The following POC1B variants were observed in gnomAD, a reference collection of about 807,000 sequenced individuals.
POC1B encodes the protein POC1 centriolar protein homolog B.
In POC1B, 44 loss-of-function variants were observed where a neutral mutation model predicts 60.6. That is an observed-to-expected ratio of 0.73 (90% CI 0.57 to 0.93). POC1B has a LOEUF of 0.93. Ranked by LOEUF, POC1B falls within the 40% of genes least tolerant of loss-of-function variation. POC1B has a pLI of 0.00. For missense variants in POC1B, 555 were observed against 572.3 expected, an observed-to-expected ratio of 0.97 and a Z score of 0.31; for synonymous variants, 180 against 198.9, an observed-to-expected ratio of 0.90 and a Z score of 0.80.
intron 2 of POC1B, chr12:89,524,287 T>A: frequency 6.2e-7 from 1 of 1,614,032 alleles, no homozygotes; most frequent in African/African-American, 1.3e-5. Flanking sequence ...CTTCAGTTCA[T>A]CCTCGTTGAG....
intron 10 of POC1B, among the ~76,000 whole-genome samples, chr12:89,430,402 T>C (rs139481623): frequency 1.7e-3 from 262 of 152,334 alleles, no homozygotes; most frequent in African/African-American, 6.1e-3. Flanking sequence ...ACTGAAAATT[T>C]TCGCATTGCC....
intron 4 of POC1B, among the ~76,000 whole-genome samples, chr12:89,477,223 G>A (rs1323273773): frequency 6.6e-6 from 1 of 152,144 alleles, no homozygotes; most frequent in Non-Finnish European, 1.5e-5. Context: ...AAGTCAATAA[G>A]CAAAACATTT....
At chr12:89,450,348 C>T (rs1881991279) in intron 10 of POC1B, among the ~76,000 whole-genome samples, 1 of 152,036 alleles carries the variant, frequency 6.6e-6, no homozygotes, top group African/African-American at 2.4e-5. Flanking sequence ...GCTGGGATTA[C>T]AGGCAGCCAC....
chr12:89,418,399 G>A (rs1462276416), downstream of POC1B, among the ~76,000 whole-genome samples: 1 of 152,158 alleles, frequency 6.6e-6, no homozygotes, highest in Non-Finnish European at 1.5e-5. Flanking sequence ...GGGAAGCCCT[G>A]AAGTGTTCTG....
chr12:89,446,137 C>G (rs946276074), intron 10 of POC1B, among the ~76,000 whole-genome samples: 1 of 151,726 alleles, frequency 6.6e-6, no homozygotes, highest in African/African-American at 2.4e-5. Flanking sequence ...GAAATAGGAA[C>G]ACTTTTACAC....
At chr12:89,446,615 T>C (rs558091926) in intron 10 of POC1B, among the ~76,000 whole-genome samples, 2 of 151,068 alleles carry the variant, frequency 1.3e-5, no homozygotes, top group Non-Finnish European at 1.5e-5. Context: ...GATGGGGAAG[T>C]GGGGAGGGAT....
intron 10 of POC1B, among the ~76,000 whole-genome samples, chr12:89,447,724 AT>A (rs2120752787): frequency 6.6e-6 from 1 of 152,212 alleles, no homozygotes; most frequent in South Asian, 2.1e-4. Context: ...AAATAAATTT[AT>A]TTTATATATT....
intron 10 of POC1B, among the ~76,000 whole-genome samples, chr12:89,451,746 C>T (rs1217227399): frequency 6.6e-6 from 1 of 152,202 alleles, no homozygotes; most frequent in Non-Finnish European, 1.5e-5. Flanking sequence ...GACTTGCTGA[C>T]TACTTTCACC....
At chr12:89,467,065 T>C in intron 8 of POC1B, 143 bp from the exon 9 acceptor site, 1 of 576,036 alleles carries the variant, frequency 1.7e-6, no homozygotes, top group Non-Finnish European at 2.7e-6. Context: ...TATTTCTCAA[T>C]ATCTTTTTTT....
intron 2 of POC1B, among the ~76,000 whole-genome samples, chr12:89,513,796 G>A (rs1172887180): frequency 1.3e-5 from 2 of 152,216 alleles, no homozygotes; most frequent in South Asian, 2.1e-4. Flanking sequence ...GATCAGCAGC[G>A]GCATTAGATT....
chr12:89,483,395 C>T (rs565451235), intron 4 of POC1B, among the ~76,000 whole-genome samples: 1 of 152,144 alleles, frequency 6.6e-6, no homozygotes, highest in African/African-American at 2.4e-5. Context: ...TTATAAATTA[C>T]CCAGTCTCAG....
intron 2 of POC1B, chr12:89,519,456 A>T (rs888247189): frequency 6.6e-6 from 1 of 152,292 alleles, no homozygotes; most frequent in South Asian, 2.1e-4. Flanking sequence ...CATCTTAATC[A>T]ACATTACAAA....
At chr12:89,465,851 C>A (rs1424258450) in intron 9 of POC1B, among the ~76,000 whole-genome samples, 1 of 152,094 alleles carries the variant, frequency 6.6e-6, no homozygotes, top group Non-Finnish European at 1.5e-5. Context: ...GTTTAAAAAA[C>A]AAAGAACAAA....
intron 2 of POC1B, among the ~76,000 whole-genome samples, chr12:89,512,716 C>T (rs189810506): frequency 1.3e-5 from 2 of 152,310 alleles, no homozygotes; most frequent in African/African-American, 4.8e-5. Context: ...GCTGTAACTG[C>T]ATCACTGTAC....
At chr12:89,506,881 T>A (rs953500113) in intron 2 of POC1B, among the ~76,000 whole-genome samples, 2 of 152,108 alleles carry the variant, frequency 1.3e-5, no homozygotes, top group African/African-American at 4.8e-5. Flanking sequence ...TGGTCCTGGA[T>A]AAATAATATT....
At chr12:89,506,216 A>C (rs1416800293) in intron 2 of POC1B, among the ~76,000 whole-genome samples, 1 of 152,262 alleles carries the variant, frequency 6.6e-6, no homozygotes. Flanking sequence ...ACTGTGTTCA[A>C]ATCCATGCTG....
rs547188852 is a variant in POC1B, at chr12:89,473,786, G to T, written c.453-1511C>A. 2.0e-5 allele frequency among the ~76,000 whole-genome samples: 3 copies of T among 151,570 alleles called. No individual in the cohort carries two copies. The South Asian group carries it at 6.2e-4, about 31-fold the overall frequency. On this transcript the variant is annotated intron_variant, in intron 4 of 11. Transcript: ENST00000313546. ...TTATTAATATTTTCTTTCAGAAAAT[G>T]TGAGAAAGATTCAAATCTGAAGGGC...
intron 2 of POC1B, among the ~76,000 whole-genome samples, chr12:89,507,671 C>T (rs1157335264): frequency 1.3e-5 from 2 of 152,132 alleles, no homozygotes; most frequent in Non-Finnish European, 2.9e-5. Context: ...AGAACAAAGC[C>T]CATGCTTACC....
chr12:89,431,446 C>T (rs76410136), intron 10 of POC1B, among the ~76,000 whole-genome samples: 1 of 151,962 alleles, frequency 6.6e-6, no homozygotes, highest in South Asian at 2.1e-4. Context: ...CACACACACA[C>T]ACACACACAC....
Sources: allele counts gnomAD v4.1 joint callset (sites outside exome capture counted in the v4.1 genomes callset), GRCh38; gene constraint gnomAD v4.1.1; transcripts MANE v1.5; gene names NCBI Gene and HGNC (gene_info 2026-07-23, HGNC 2026-07-21).